CAST: variants seen among roughly 807,000 people sequenced by gnomAD.
CAST encodes the protein calpastatin, also known as MIR583 host.
Under a neutral mutation model 119.6 loss-of-function variants are expected in CAST, and 76 were observed. The observed-to-expected ratio is 0.64, with a 90% CI of 0.53 to 0.77. The LOEUF (loss-of-function observed/expected upper bound fraction) is 0.77. Ranked by LOEUF, CAST falls within the 30% of genes least tolerant of loss-of-function variation. CAST has a pLI of 0.00. For missense variants in CAST, 953 were observed against 946.5 expected, an observed-to-expected ratio of 1.01 and a Z score of -0.09; for synonymous variants, 319 against 331.6, an observed-to-expected ratio of 0.96 and a Z score of 0.41.
At chr5:95,976,810 G>A in the CAST span, among the ~76,000 whole-genome samples, 1 of 152,178 alleles carries the variant, frequency 6.6e-6, no homozygotes, top group Non-Finnish European at 1.5e-5. Context: ...ATTTTGCACA[G>A]CTGCCCTGAA....
intron 3 of CAST, among the ~76,000 whole-genome samples, chr5:96,701,293 A>G (rs1008583728): frequency 5.9e-5 from 9 of 152,152 alleles, no homozygotes; most frequent in African/African-American, 2.2e-4. Context: ...AAATACATTC[A>G]GAGATAGGCA....
intron 1 of CAST, among the ~76,000 whole-genome samples, chr5:96,595,457 A>G (rs1390645726): frequency 6.6e-6 from 1 of 152,206 alleles, no homozygotes; most frequent in Non-Finnish European, 1.5e-5. Context: ...GGCCTCAGGG[A>G]AGGGCCACCG....
At chr5:96,223,002 C>T in the CAST span, among the ~76,000 whole-genome samples, 1 of 152,072 alleles carries the variant, frequency 6.6e-6, no homozygotes, top group African/African-American at 2.4e-5. Flanking sequence ...TGAAATAAAC[C>T]AGGCATGGAA....
At chr5:96,162,442 G>A in the CAST span, among the ~76,000 whole-genome samples, 1 of 152,150 alleles carries the variant, frequency 6.6e-6, no homozygotes, top group Non-Finnish European at 1.5e-5. Flanking sequence ...TTTTGAGACA[G>A]TGTCTTGCTC....
chr5:96,586,034 G>T (rs1334341661), intron 1 of CAST, among the ~76,000 whole-genome samples: 2 of 152,050 alleles, frequency 1.3e-5, no homozygotes, highest in Non-Finnish European at 2.9e-5. Context: ...TATGTGTCAG[G>T]CTCTATTCTA....
chr5:96,475,323 A>G, the CAST span, among the ~76,000 whole-genome samples: 2 of 152,246 alleles, frequency 1.3e-5, no homozygotes, highest in African/African-American at 4.8e-5. Context: ...AGTTATTACC[A>G]TGGTACTTTT....
At chr5:96,591,968 C>T (rs1431168388) in intron 1 of CAST, among the ~76,000 whole-genome samples, 1 of 152,072 alleles carries the variant, frequency 6.6e-6, no homozygotes, top group Non-Finnish European at 1.5e-5. Flanking sequence ...GTAGAAAATT[C>T]AGAAGAGGAT....
At chr5:96,594,442 A>C (rs1326990974) in intron 1 of CAST, among the ~76,000 whole-genome samples, 6 of 152,352 alleles carry the variant, frequency 3.9e-5, no homozygotes, top group African/African-American at 1.4e-4. Context: ...CAAAATACTA[A>C]GATTATGTAA....
rs757640894 is a variant in CAST at position 96,748,631 on chromosome 5, T to C, written c.1428+18T>C. 2 of 1,189,626 alleles carry C rather than the reference T, an allele frequency of 1.7e-6. No individual in the cohort carries two copies. Among genetic ancestry groups the C allele is most frequent in the Non-Finnish European group, 2.5e-6 (2 of 800,236 alleles). 73.7% of individuals were successfully genotyped at this position (1,189,626 alleles called of 1,614,324 possible). A position where few individuals can be genotyped will look rare whatever the true frequency, so the allele number is the denominator to read the frequency against. ...AGACAGAAGTATGTTTCTAAACATA[T>C]AAATCTCTAGTTTTGAGGTTTGTGA... On this transcript the variant is annotated intron_variant, in intron 19 of 31. Transcript: ENST00000675179.
chr5:96,620,979 A>C lies in CAST; in HGVS notation c.61-54560A>C, dbSNP rs192892087. On this transcript the variant is annotated intron_variant, in intron 1 of 11. Coordinates refer to the CAST transcript ENST00000505143. ...TAGTAAATTAGTACCCTTGTTTTGTAAAAAGCACAAGGCAAAGCCGGTTCT... is the reference window on the plus strand; with the variant it reads ...TAGTAAATTAGTACCCTTGTTTTGTCAAAAGCACAAGGCAAAGCCGGTTCT... Among the ~76,000 whole-genome samples the C allele has an allele frequency of 9.5e-4, 145 of 152,340 alleles. 1 individual carries two copies. The highest frequency in any genetic ancestry group is 3.4e-3 in the Middle Eastern group (1 of 294).
At chr5:96,294,481 A>G in the CAST span, among the ~76,000 whole-genome samples, 1 of 152,196 alleles carries the variant, frequency 6.6e-6, no homozygotes, top group Non-Finnish European at 1.5e-5. Flanking sequence ...TTCTCACTGT[A>G]ATGTCCAGGA....
At chr5:96,617,847 ATTT>A (rs1288561718) in intron 1 of CAST, among the ~76,000 whole-genome samples, 1 of 134,382 alleles carries the variant, frequency 7.4e-6, no homozygotes, top group Non-Finnish European at 1.6e-5. Context: ...AGGAGAAAGG[ATTT>A]TACTAGGAAG....
chr5:96,661,945 ACT>A (rs1368223043), upstream of CAST: 1 of 155,106 alleles, frequency 6.4e-6, no homozygotes, highest in African/African-American at 2.4e-5. Context: ...GAGTTGGTAA[ACT>A]CTCGCAGCTA....
At chr5:96,507,002 AG>A in the CAST span, among the ~76,000 whole-genome samples, 1 of 152,206 alleles carries the variant, frequency 6.6e-6, no homozygotes, top group Admixed American at 6.5e-5. Flanking sequence ...CAAACTATTG[AG>A]TAGGCACACC....
At chr5:96,305,373 T>C in the CAST span, among the ~76,000 whole-genome samples, 1 of 152,256 alleles carries the variant, frequency 6.6e-6, no homozygotes, top group Non-Finnish European at 1.5e-5. Flanking sequence ...TGGGGTTTTC[T>C]AAATATACAA....
At chr5:96,251,661 C>T in the CAST span, among the ~76,000 whole-genome samples, 1 of 151,988 alleles carries the variant, frequency 6.6e-6, no homozygotes, top group South Asian at 2.1e-4. Flanking sequence ...CACACTCTGG[C>T]CACAGAGAAG....
chr5:96,563,766 A>T (rs1181521250), intron 1 of CAST, among the ~76,000 whole-genome samples: 2 of 152,324 alleles, frequency 1.3e-5, no homozygotes, highest in South Asian at 4.1e-4. Context: ...TAAGGAGCAC[A>T]GTTTTGCAAA....
the CAST span, among the ~76,000 whole-genome samples, chr5:96,423,626 A>G: frequency 7.2e-5 from 11 of 152,356 alleles, no homozygotes; most frequent in Admixed American, 7.2e-4. Context: ...GAGTAAGGCC[A>G]AATGAACCCC....
chr5:96,331,211 G>A, the CAST span, among the ~76,000 whole-genome samples: 1 of 152,212 alleles, frequency 6.6e-6, no homozygotes, highest in South Asian at 2.1e-4. Context: ...CTGAGGACCA[G>A]GGGAAGAGAC....
Sources: gnomAD v4.1 joint callset for allele counts (sites outside exome capture counted in the v4.1 genomes callset) on GRCh38, gnomAD v4.1.1 for gene constraint, MANE v1.5 for transcripts, NCBI Gene and HGNC (gene_info 2026-07-23, HGNC 2026-07-21) for gene names.